Variants in RPS6KA2 observed in about 807,000 individuals in gnomAD.
The protein encoded by RPS6KA2 is ribosomal protein S6 kinase alpha-2.
Under a neutral mutation model 91.8 loss-of-function variants are expected in RPS6KA2, and 42 were observed. The observed-to-expected ratio is 0.46, with a 90% CI of 0.36 to 0.59. The LOEUF (loss-of-function observed/expected upper bound fraction) is 0.59, where lower values mean the gene tolerates loss of function less well. RPS6KA2 is among the 20% of genes least tolerant of loss of function. RPS6KA2 has a pLI of 0.00. For missense variants in RPS6KA2, 798 were observed against 978.5 expected (o/e 0.82, Z 2.46); for synonymous variants, 414 against 393.6 (o/e 1.05, Z -0.61).
chr6:166,738,160 T>C lies in RPS6KA2; in HGVS notation c.123+120040A>G, dbSNP rs373820603. Reference sequence around the variant, plus strand: ...ATTTTATTGTTAAATATTCCAATCCTGTATGAATGTACACATAGGTTATCT... The same window carrying C: ...ATTTTATTGTTAAATATTCCAATCCCGTATGAATGTACACATAGGTTATCT... On this transcript the variant is annotated intron_variant, in intron 2 of 21. Transcript: ENST00000503859. 3.0e-4 allele frequency among the ~76,000 whole-genome samples: 45 copies of C among 152,372 alleles called. No individual in the cohort carries two copies. In the South Asian group the frequency reaches 8.9e-3, roughly 30 times the overall value.
rs76835582 is a variant in RPS6KA2 at position 166,753,908 on chromosome 6, C to T, written c.123+104292G>A. Reference sequence around the variant, plus strand: ...TTTCAAGAGAGACGACTGTCAGAAACGTACTAACCCAACACAAGCATGATG... The same window carrying T: ...TTTCAAGAGAGACGACTGTCAGAAATGTACTAACCCAACACAAGCATGATG... On this transcript the variant is annotated intron_variant, in intron 2 of 21. Coordinates refer to the RPS6KA2 transcript ENST00000503859. Among the ~76,000 whole-genome samples the T allele has an allele frequency of 1.3e-3, 200 of 152,328 alleles. 3 individuals carry two copies. Among genetic ancestry groups the T allele is most frequent in the African/African-American group, 4.5e-3 (189 of 41,576 alleles).
chr6:166,738,089 AC>A (rs1790718136), intron 2 of RPS6KA2, among the ~76,000 whole-genome samples: 1 of 152,222 alleles, frequency 6.6e-6, no homozygotes, highest in Admixed American at 6.5e-5. Flanking sequence ...TGCATTTAGT[AC>A]ATGTGGATAT....
At chr6:166,791,790 A>T (rs1393647942) in intron 2 of RPS6KA2, among the ~76,000 whole-genome samples, 1 of 151,634 alleles carries the variant, frequency 6.6e-6, no homozygotes, top group Non-Finnish European at 1.5e-5. Flanking sequence ...AAATGAAGGC[A>T]GAAATAAAGA....
intron 10 of RPS6KA2, among the ~76,000 whole-genome samples, chr6:166,487,967 T>C (rs1021209564): frequency 2.0e-5 from 3 of 152,212 alleles, no homozygotes; most frequent in Admixed American, 2.0e-4. Context: ...AAATGGGTCC[T>C]TCTTTCTTTG....
At chr6:166,610,806 TAG>T (rs1180817916) in intron 1 of RPS6KA2, among the ~76,000 whole-genome samples, 1 of 152,260 alleles carries the variant, frequency 6.6e-6, no homozygotes, top group Non-Finnish European at 1.5e-5. Flanking sequence ...ACATTTATTA[TAG>T]AGTTATAACA....
At chr6:166,416,025 AC>A (rs899634829) in intron 19 of RPS6KA2, among the ~76,000 whole-genome samples, 1 of 7,790 alleles carries the variant, frequency 1.3e-4, no homozygotes, top group African/African-American at 4.9e-4. Flanking sequence ...CATTACGCTC[AC>A]CATCATCTTC....
chr6:166,732,805 T>C lies in RPS6KA2; in HGVS notation c.123+125395A>G, dbSNP rs1419086620. Among the ~76,000 whole-genome samples, 1 of 152,006 alleles carries C rather than the reference T, an allele frequency of 6.6e-6. No individual in the cohort carries two copies. The highest frequency in any genetic ancestry group is 1.5e-5 in the Non-Finnish European group (1 of 67,976). ...GACAGGGGGATGACAGGGGGAGCTG[T>C]GAAGGCCACCGGAGGCTGAGTCTGG... On this transcript the variant is annotated intron_variant, in intron 2 of 21. Coordinates refer to the RPS6KA2 transcript ENST00000503859. The surrounding 1 kb of genome is among the most constrained non-coding windows in gnomAD (Gnocchi z 4.0).
At position 166,665,362 on chromosome 6, in the gene RPS6KA2, T is replaced by C. The variant is rs1788284691; in HGVS notation, c.124-126578A>G. On this transcript the variant is annotated intron_variant, in intron 2 of 21. Coordinates refer to the RPS6KA2 transcript ENST00000503859. This position sits in a 1 kb window ranked among gnomAD's most constrained non-coding sequence, Gnocchi z 4.5. Reference sequence around the variant, plus strand: ...AACTGAGTCTCTCTGCAGCTGCCTCTGGGCTTTGTCTGGTGTGCCTATACC... The same window carrying C: ...AACTGAGTCTCTCTGCAGCTGCCTCCGGGCTTTGTCTGGTGTGCCTATACC... Among the ~76,000 whole-genome samples, 1 of 152,180 alleles carries C rather than the reference T, an allele frequency of 6.6e-6. No individual in the cohort carries two copies. The highest frequency in any genetic ancestry group is 6.5e-5 in the Admixed American group (1 of 15,282).
intron 2 of RPS6KA2, among the ~76,000 whole-genome samples, chr6:166,817,792 G>A (rs1237930780): frequency 6.6e-6 from 1 of 150,578 alleles, no homozygotes; most frequent in African/African-American, 2.5e-5. Flanking sequence ...GTGCGATCTT[G>A]GCTCACTGCA....
At chr6:166,530,002 C>T (rs781571027) in intron 3 of RPS6KA2, among the ~76,000 whole-genome samples, 21 of 152,200 alleles carry the variant, frequency 1.4e-4, no homozygotes, top group Non-Finnish European at 2.9e-4. Flanking sequence ...GGTTTAAAGT[C>T]TGTACATATT....
chr6:166,485,158 A>T (rs1039094562), intron 10 of RPS6KA2, among the ~76,000 whole-genome samples: 12 of 152,218 alleles, frequency 7.9e-5, no homozygotes, highest in African/African-American at 2.9e-4. Flanking sequence ...ACCCAGCAGC[A>T]TAGAGAATGA....
intron 1 of RPS6KA2, among the ~76,000 whole-genome samples, chr6:166,565,092 C>CA (rs1417270074): frequency 2.0e-5 from 3 of 152,186 alleles, no homozygotes; most frequent in Non-Finnish European, 4.4e-5. Flanking sequence ...GGCTGAAAGT[C>CA]ACTCCTGCAT....
chr6:166,743,149 G>C (rs1243276691), intron 2 of RPS6KA2, among the ~76,000 whole-genome samples: 1 of 152,090 alleles, frequency 6.6e-6, no homozygotes, highest in Non-Finnish European at 1.5e-5. Context: ...CTGGAGCCGA[G>C]GCCAGCTCCG....
chr6:166,711,001 C>T (rs1347185370), intron 2 of RPS6KA2, among the ~76,000 whole-genome samples: 2 of 152,124 alleles, frequency 1.3e-5, no homozygotes, highest in African/African-American at 4.8e-5. Flanking sequence ...TTCACCCATG[C>T]CAGTAAAGGC....
At chr6:166,552,318 G>A (rs1784044937) in intron 1 of RPS6KA2, among the ~76,000 whole-genome samples, 1 of 152,198 alleles carries the variant, frequency 6.6e-6, no homozygotes, top group Non-Finnish European at 1.5e-5. Flanking sequence ...ATGAAAACTT[G>A]TGAAATGGTT....
At chr6:166,741,331 C>T (rs748476586) in intron 2 of RPS6KA2, among the ~76,000 whole-genome samples, 62 of 152,272 alleles carry the variant, frequency 4.1e-4, no homozygotes, top group African/African-American at 1.3e-3. Flanking sequence ...ACAAAGGGAA[C>T]GTCAGCTTTA....
intron 11 of RPS6KA2, among the ~76,000 whole-genome samples, chr6:166,461,641 GCA>G (rs1780309994): frequency 6.6e-6 from 1 of 152,076 alleles, no homozygotes; most frequent in Admixed American, 6.6e-5. Context: ...GCTCGATCCA[GCA>G]CAGAGCCAGG....
At chr6:166,424,936 A>G (rs1778854571) in intron 16 of RPS6KA2, among the ~76,000 whole-genome samples, 2 of 152,232 alleles carry the variant, frequency 1.3e-5, no homozygotes, top group Admixed American at 6.5e-5. Flanking sequence ...GCTTTGGCAT[A>G]AGGATTATTT....
At chr6:166,800,289 C>T (rs79421286) in intron 2 of RPS6KA2, among the ~76,000 whole-genome samples, 2,591 of 152,294 alleles carry the variant, frequency 0.017, 83 homozygotes, top group African/African-American at 0.059. Context: ...CCCTCAGCCC[C>T]TAGAGCACGG....
Sources: gnomAD v4.1 joint callset for allele counts (sites outside exome capture counted in the v4.1 genomes callset) on GRCh38, gnomAD v4.1.1 for gene constraint, Gnocchi (gnomAD v3.1) non-coding constraint, MANE v1.5 for transcripts, NCBI Gene and HGNC (gene_info 2026-07-23, HGNC 2026-07-21) for gene names.